DDX11: variants seen among roughly 807,000 people sequenced by gnomAD.
The protein encoded by DDX11 is ATP-dependent DNA helicase DDX11.
A neutral mutation model predicts 125.2 loss-of-function variants in DDX11; 72 were observed. The observed-to-expected ratio is 0.58, with a 90% CI of 0.48 to 0.70. The LOEUF is 0.70. Ranked by LOEUF, DDX11 falls within the 30% of genes least tolerant of loss-of-function variation. DDX11 has a pLI of 0.00. For missense variants in DDX11, 883 were observed against 1,165.0 expected, an observed-to-expected ratio of 0.76 and a Z score of 3.52; for synonymous variants, 347 against 452.6, an observed-to-expected ratio of 0.77 and a Z score of 2.96.
chr12:31,078,718 C>T (rs1390594935), intron 2 of DDX11, among the ~76,000 whole-genome samples, 181 bp downstream of exon 2: 4 of 146,858 alleles, frequency 2.7e-5, no homozygotes, highest in South Asian at 2.2e-4. Flanking sequence ...GACGGAGTCT[C>T]GCTGTGTCGC....
At chr12:31,103,052 G>A (rs1170106201) in intron 24 of DDX11, 32 bp downstream of exon 24, 4 of 1,608,184 alleles carry the variant, frequency 2.5e-6, no homozygotes, top group Middle Eastern at 1.7e-4. Context: ...GAGGGTGACA[G>A]GAGAGTAGGC....
At chr12:31,099,140 C>T (rs1446037384) in intron 18 of DDX11, among the ~76,000 whole-genome samples, 4 of 133,834 alleles carry the variant, frequency 3.0e-5, no homozygotes, top group African/African-American at 1.2e-4. Context: ...CAGGCTGGAG[C>T]GCAGTGACCT....
chr12:31,095,289 C>T (rs1400950172), intron 14 of DDX11, among the ~76,000 whole-genome samples: 1 of 152,230 alleles, frequency 6.6e-6, no homozygotes, highest in Admixed American at 6.5e-5. Context: ...CTCAAATCAG[C>T]AACAGTGACT....
rs1290713720 is a variant in DDX11, at chr12:31,097,970, G to C, written c.1848G>C (p.Val616=). 1 of 1,613,852 alleles carries C rather than the reference G, an allele frequency of 6.2e-7. No homozygotes were observed. The highest frequency in any genetic ancestry group is 1.7e-5 in the Admixed American group (1 of 60,012). The change falls in exon 18 of 27, where the codon GTG becomes GTC. Residue 616 remains valine (V), a synonymous_variant. Transcript: ENST00000542838. ...AAGTGGTGAAGGAATGCCGGGCAGT[G>C]GTCATTGCGGGGGGTACCATGCAGC... ...FAQVVKECRA[V]VIAGGTMQPV...
chr12:31,103,554 C>A (rs1423058739), intron 25 of DDX11, 23 bp from the exon 26 acceptor site: 2 of 1,613,682 alleles, frequency 1.2e-6, no homozygotes, highest in South Asian at 2.2e-5. Context: ...TTGCTCGGAG[C>A]CCCAGCCTCT....
intron 5 of DDX11, chr12:31,086,302 G>A (rs1484814627): frequency 2.5e-6 from 1 of 393,806 alleles, no homozygotes; most frequent in Non-Finnish European, 5.0e-6. Flanking sequence ...CCCTGGCTGG[G>A]CTCGAGCTGC....
chr12:31,099,183 G>A (rs1223633885), intron 18 of DDX11, among the ~76,000 whole-genome samples: 1 of 146,462 alleles, frequency 6.8e-6, no homozygotes, highest in African/African-American at 2.6e-5. Flanking sequence ...TGCCTCCGGG[G>A]TTCAAGCGAT....
Position 31,076,544 on chromosome 12 carries a change from G to T in DDX11, c.-4-1846G>T, listed in dbSNP as rs535237381. On this transcript the variant is annotated intron_variant, in intron 1 of 26. Coordinates refer to ENST00000542838, the MANE Select transcript of DDX11 (RefSeq NM_030653.4). Reference sequence around the variant, plus strand: ...CATTTGGACCTGGATTCGAATCCCTGGTTTTCCACTTTTTAGCTGTGACTT... The same window carrying T: ...CATTTGGACCTGGATTCGAATCCCTTGTTTTCCACTTTTTAGCTGTGACTT... Among the ~76,000 whole-genome samples the T allele has an allele frequency of 7.9e-5, 12 of 152,266 alleles. No homozygotes were observed. In the East Asian group the frequency reaches 1.7e-3, roughly 22 times the overall value.
chr12:31,101,951 G>T lies in DDX11; in HGVS notation c.2171G>T (p.Gly724Val), dbSNP rs753550805. 1.8e-5 allele frequency: 29 copies of T among 1,613,298 alleles called. No individual in the cohort carries two copies. Among genetic ancestry groups the T allele is most frequent in the Non-Finnish European group, 2.1e-5 (25 of 1,179,758 alleles). The change falls in exon 21 of 27, where the codon GGC (glycine) becomes GTC (valine). Residue 724 changes from glycine to valine, a missense_variant. Gly to Val is a moderately radical substitution (Grantham distance 109). Coordinates refer to ENST00000542838, the MANE Select transcript of DDX11 (RefSeq NM_030653.4). ...GTCCATGCCCACTGGGAGAAGGGTG[G>T]CCTGCTGGGCCGTCTGGCTGCCAGG... ...RQVHAHWEKG[G>V]LLGRLAARKK...
chr12:31,091,926 G>A (rs1007891727), intron 10 of DDX11, 55 bp downstream of exon 10: 2 of 1,611,690 alleles, frequency 1.2e-6, no homozygotes, highest in East Asian at 4.5e-5. Flanking sequence ...AAGGGACTTG[G>A]ATGGTTCCTC....
chr12:31,089,902 TGAGGAGGAGAAGCCAAA>T lies in DDX11; in HGVS notation c.907_923del (p.Lys303AlafsTer21), dbSNP rs1362968669. On this transcript the variant is annotated frameshift_variant, in exon 9 of 27. Coordinates refer to ENST00000542838, the MANE Select transcript of DDX11 (RefSeq NM_030653.4). LOFTEE classifies it high-confidence loss of function. ...CACCCTCAGAGAAGAAGAAAGGAGC[TGAGGAGGAGAAGCCAAA>T]GAGGAGGAGGCAGGAGAAGCAGGCA... 1.7e-5 allele frequency: 27 copies of T among 1,609,000 alleles called. No homozygotes were observed. Among genetic ancestry groups the T allele is most frequent in the Non-Finnish European group, 2.2e-5 (26 of 1,178,870 alleles).
In DDX11 at chr12:31,083,954, T is replaced by C; in HGVS notation, c.286T>C (p.Ser96Pro). The C allele has an allele frequency of 6.2e-7, 1 of 1,613,964 alleles. No individual in the cohort carries two copies. The highest frequency in any genetic ancestry group is 8.5e-7 in the Non-Finnish European group (1 of 1,179,874). Residue 96 changes from serine to proline, a missense_variant, in exon 3 of 27, where the codon TCT becomes CCT. Coordinates refer to ENST00000542838, the MANE Select transcript of DDX11 (RefSeq NM_030653.4). Reference sequence around the variant, plus strand: ...GAAAGATGAATCCCTGTGTCTGTCTTCTTCCTGCGAAGGGGCTGCAGGCAC... The same window carrying C: ...GAAAGATGAATCCCTGTGTCTGTCTCCTTCCTGCGAAGGGGCTGCAGGCAC... ...DEKDESLCLS[S>P]SCEGAAGTPR...
intron 9 of DDX11, chr12:31,091,138 G>A (rs1294027293): frequency 1.3e-5 from 2 of 152,108 alleles, no homozygotes; most frequent in African/African-American, 2.4e-5. Context: ...TCAGTTTTCC[G>A]ATATTTTATT....
Position 31,083,963 on chromosome 12 carries a change from G to A in DDX11, c.295G>A (p.Glu99Lys), listed in dbSNP as rs775958681. Residue 99 changes from glutamate (E) to lysine (K), a missense_variant, in exon 3 of 27, where the codon GAA becomes AAA. By Grantham distance (56) the Glu-to-Lys change is moderately conservative. This residue lies in a region of DDX11 where 283 missense variants were observed against 359.6 expected (regional missense o/e 0.79). Transcript: ENST00000542838. Reference protein sequence around the residue: ...DESLCLSSSCEGAAGTPRPAG... With the variant: ...DESLCLSSSCKGAAGTPRPAG... ...ATCCCTGTGTCTGTCTTCTTCCTGC[G>A]AAGGGGCTGCAGGCACCCCGAGGCC... 7.4e-6 allele frequency: 12 copies of A among 1,613,794 alleles called. No homozygotes were observed. The highest frequency in any genetic ancestry group is 1.7e-5 in the Admixed American group (1 of 59,992).
In DDX11 at chr12:31,096,857, A is replaced by G; in HGVS notation, c.1631-2A>G. 6.2e-7 allele frequency: 1 copy of G among 1,614,170 alleles called. No individual in the cohort carries two copies. The highest frequency in any genetic ancestry group is 8.5e-7 in the Non-Finnish European group (1 of 1,180,034). ...GCCTCCTCCCCGTTCTGCTCTGTGCAGCTCTTGCAGCCCCTGCAGACGAGA... is the reference window on the plus strand; with the variant it reads ...GCCTCCTCCCCGTTCTGCTCTGTGCGGCTCTTGCAGCCCCTGCAGACGAGA... On this transcript the variant is annotated splice_acceptor_variant, in intron 16 of 26. Transcript: ENST00000542838. LOFTEE classifies it high-confidence loss of function.
intron 10 of DDX11, among the ~76,000 whole-genome samples, chr12:31,092,352 C>T (rs1406256798): frequency 1.3e-5 from 2 of 152,164 alleles, no homozygotes; most frequent in Non-Finnish European, 2.9e-5. Flanking sequence ...ACATTGGAAA[C>T]TTGGAGATTC....
At chr12:31,079,498 G>A (rs1326804092) in intron 2 of DDX11, among the ~76,000 whole-genome samples, 6 of 136,910 alleles carry the variant, frequency 4.4e-5, no homozygotes, top group Non-Finnish European at 9.3e-5. Flanking sequence ...TCTTACTGTG[G>A]AGCAAGAAAA....
At chr12:31,078,724 G>A (rs1941221962) in intron 2 of DDX11, among the ~76,000 whole-genome samples, 187 bp downstream of exon 2, 1 of 143,090 alleles carries the variant, frequency 7.0e-6, no homozygotes, top group Admixed American at 7.3e-5. Flanking sequence ...GTCTCGCTGT[G>A]TCGCCCAGGC....
chr12:31,090,848 C>T (rs1944083683), intron 9 of DDX11, among the ~76,000 whole-genome samples: 1 of 152,208 alleles, frequency 6.6e-6, no homozygotes, highest in Admixed American at 6.5e-5. Flanking sequence ...GCTGTGTGGG[C>T]ACTGGCAGAG....
Sources: allele counts gnomAD v4.1 joint callset (sites outside exome capture counted in the v4.1 genomes callset), GRCh38; gene constraint gnomAD v4.1.1; regional missense constraint gnomAD v4.1.1; transcripts MANE v1.5; gene names NCBI Gene and HGNC (gene_info 2026-07-23, HGNC 2026-07-21).